Variants in GLRA2 observed in about 807,000 individuals in gnomAD.
GLRA2 encodes glycine receptor subunit alpha-2.
A neutral mutation model predicts 31.6 loss-of-function variants in GLRA2; 11 were observed. That is an observed-to-expected ratio of 0.35 (90% CI 0.22 to 0.58). The LOEUF (loss-of-function observed/expected upper bound fraction) is 0.58, where lower values mean the gene tolerates loss of function less well. Ranked by LOEUF, GLRA2 falls within the 20% of genes least tolerant of loss-of-function variation. GLRA2 has a pLI of 0.84. For synonymous variants in GLRA2, 132 were observed against 134.0 expected, an observed-to-expected ratio of 0.99 and a Z score of 0.10; for missense variants, 212 against 351.8, an observed-to-expected ratio of 0.60 and a Z score of 3.18.
rs897536080 is a variant in GLRA2, at chrX:14,730,824, C to T, written c.*339C>T. Reference sequence around the variant, plus strand: ...ATATGCGGGGTCAAGTTCTTAAGGGCTGTTTGCCTTTTGGTCCTTTTGGTT... The same window carrying T: ...ATATGCGGGGTCAAGTTCTTAAGGGTTGTTTGCCTTTTGGTCCTTTTGGTT... On this transcript the variant is annotated 3_prime_UTR_variant, in exon 9 of 9. Coordinates refer to ENST00000218075, the MANE Select transcript of GLRA2 (RefSeq NM_002063.4). 4.4e-5 allele frequency: 8 copies of T among 182,789 alleles called. No individual in the cohort carries two copies. The highest frequency in any genetic ancestry group is 8.0e-5 in the Non-Finnish European group (8 of 99,389). The allele number at this position is 182,789 out of a possible 1,213,427, so 15.1% of individuals were successfully genotyped here. A position where few individuals can be genotyped will look rare whatever the true frequency, so the allele number is the denominator to read the frequency against.
intron 2 of GLRA2, among the ~76,000 whole-genome samples, chrX:14,551,098 C>T (rs2089555641): frequency 8.9e-6 from 1 of 111,861 alleles, no homozygotes; most frequent in Non-Finnish European, 1.9e-5. Flanking sequence ...TCACAGATTA[C>T]AAAATAGAAC....
At chrX:14,491,819 C>T in the GLRA2 span, among the ~76,000 whole-genome samples, 8 of 111,648 alleles carry the variant, frequency 7.2e-5, no homozygotes, top group African/African-American at 2.3e-4. Context: ...GATGTCAAGA[C>T]GTGGGTGTCC....
chrX:14,714,781 ATTTGT>A (rs769651228), intron 8 of GLRA2, among the ~76,000 whole-genome samples: 12 of 112,654 alleles, frequency 1.1e-4, no homozygotes, highest in African/African-American at 3.9e-4. Context: ...GCAGGTATTA[ATTTGT>A]TTTAAGAGAT....
the GLRA2 span, among the ~76,000 whole-genome samples, chrX:14,508,338 A>T: frequency 8.9e-6 from 1 of 112,489 alleles, no homozygotes; most frequent in East Asian, 2.8e-4. Context: ...TGTAGTAGAA[A>T]GAAAACGTTA....
intron 2 of GLRA2, among the ~76,000 whole-genome samples, chrX:14,552,607 C>T (rs991894423): frequency 4.5e-5 from 5 of 111,834 alleles, no homozygotes; most frequent in Non-Finnish European, 7.5e-5. Context: ...ATCGTGTCTG[C>T]GTTTGCAAAT....
intron 8 of GLRA2, among the ~76,000 whole-genome samples, chrX:14,716,116 C>T (rs908452351): frequency 1.7e-4 from 19 of 110,899 alleles, no homozygotes; most frequent in African/African-American, 4.3e-4. Flanking sequence ...TGAAAGAAGA[C>T]AATAAAACCC....
At chrX:14,448,907 C>T in the GLRA2 span, among the ~76,000 whole-genome samples, 4 of 110,972 alleles carry the variant, frequency 3.6e-5, no homozygotes, top group African/African-American at 1.3e-4. Context: ...TGGAAGCCAC[C>T]GGCTCAAGCA....
At chrX:14,617,757 T>C (rs2147104514) in intron 7 of GLRA2, among the ~76,000 whole-genome samples, 1 of 111,716 alleles carries the variant, frequency 9.0e-6, no homozygotes, top group South Asian at 3.7e-4. Flanking sequence ...CCATCCCAGA[T>C]GAGCCCAGAC....
At chrX:14,603,366 C>T (rs181236554) in intron 4 of GLRA2, among the ~76,000 whole-genome samples, 135 of 109,560 alleles carry the variant, frequency 1.2e-3, no homozygotes, top group African/African-American at 4.2e-3. Flanking sequence ...TTTTCTCCCA[C>T]TCTGTGGGTT....
At chrX:14,641,109 G>A (rs1050814875) in intron 7 of GLRA2, among the ~76,000 whole-genome samples, 4 of 111,322 alleles carry the variant, frequency 3.6e-5, no homozygotes, top group African/African-American at 1.3e-4. Context: ...TAACTGGCAT[G>A]TTCCTAACTA....
chrX:14,638,289 C>A (rs745620182), intron 7 of GLRA2, among the ~76,000 whole-genome samples: 14 of 110,749 alleles, frequency 1.3e-4, no homozygotes, highest in Non-Finnish European at 2.6e-4. Context: ...ACTTTCAAAA[C>A]CTATAATTAT....
At chrX:14,526,251 T>C (rs747148676), upstream of GLRA2, among the ~76,000 whole-genome samples, 4 of 112,267 alleles carry the variant, frequency 3.6e-5, no homozygotes, top group Non-Finnish European at 7.5e-5. Flanking sequence ...AATGAGATGA[T>C]TAGTGGATGA....
chrX:14,589,122 G>T (rs1310521479), intron 4 of GLRA2, among the ~76,000 whole-genome samples: 1 of 110,908 alleles, frequency 9.0e-6, no homozygotes, highest in Non-Finnish European at 1.9e-5. Context: ...TGTTTAATAG[G>T]AGTGGTGACA....
At chrX:14,568,075 C>T (rs772634977) in intron 2 of GLRA2, among the ~76,000 whole-genome samples, 9 of 111,703 alleles carry the variant, frequency 8.1e-5, no homozygotes, top group East Asian at 5.6e-4. Flanking sequence ...AGATTCAATG[C>T]AATCCCTATC....
chrX:14,576,392 A>G (rs2089958721), intron 3 of GLRA2, among the ~76,000 whole-genome samples: 1 of 110,352 alleles, frequency 9.1e-6, no homozygotes, highest in South Asian at 3.9e-4. Flanking sequence ...GAGTATATCA[A>G]CTCCCAGGTT....
chrX:14,583,477 G>A (rs889357280), intron 4 of GLRA2, among the ~76,000 whole-genome samples: 3 of 112,497 alleles, frequency 2.7e-5, no homozygotes, highest in South Asian at 3.6e-4. Context: ...CGTGGGTCAC[G>A]CCTGTAATCC....
chrX:14,478,868 A>G, the GLRA2 span, among the ~76,000 whole-genome samples: 13 of 112,224 alleles, frequency 1.2e-4, no homozygotes, highest in South Asian at 4.4e-3. Flanking sequence ...GATGGCCCCA[A>G]TATTTTGTGA....
intron 2 of GLRA2, among the ~76,000 whole-genome samples, chrX:14,557,761 G>A (rs891441358): frequency 1.8e-5 from 2 of 111,335 alleles, no homozygotes; most frequent in African/African-American, 6.5e-5. Context: ...CTAGTGGGTA[G>A]AGGAGGGGGA....
At chrX:14,530,623 T>C (rs899508539) in intron 1 of GLRA2, among the ~76,000 whole-genome samples, 7 of 111,974 alleles carry the variant, frequency 6.3e-5, no homozygotes, top group Non-Finnish European at 1.1e-4. Flanking sequence ...TCTTGAAATA[T>C]CAAAAATTTC....
Sources: gnomAD v4.1 joint callset for allele counts (sites outside exome capture counted in the v4.1 genomes callset) on GRCh38, gnomAD v4.1.1 for gene constraint, MANE v1.5 for transcripts, NCBI Gene and HGNC (gene_info 2026-07-23, HGNC 2026-07-21) for gene names.